The following ZNF200 variants were observed in gnomAD, a reference collection of about 807,000 sequenced individuals.
ZNF200 encodes zinc finger protein 200.
ZNF200 carries 35 observed loss-of-function variants against 33.6 expected under a neutral mutation model. The ratio of observed to expected loss-of-function variants is 1.04; its 90% CI spans 0.80 to 1.38. The LOEUF is 1.38. Ranked by LOEUF, ZNF200 falls within the 40% of genes most tolerant of loss-of-function variation. ZNF200 has a pLI of 0.00. For missense variants in ZNF200, 592 were observed against 470.6 expected (o/e 1.26, Z -2.39); for synonymous variants, 209 against 167.7 (o/e 1.25, Z -1.90).
intron 1 of ZNF200, chr16:3,234,644 C>G (rs1958752942): frequency 6.6e-6 from 1 of 152,288 alleles, no homozygotes; most frequent in African/African-American, 2.4e-5. Context: ...ACCCCTCGAA[C>G]CGAAGCTCCC....
At chr16:3,228,216 C>T (rs985635804) in intron 4 of ZNF200, among the ~76,000 whole-genome samples, 6 of 152,064 alleles carry the variant, frequency 3.9e-5, no homozygotes, top group Admixed American at 3.9e-4. Context: ...TATGTGAAAG[C>T]CAATGATTTC....
chr16:3,228,492 G>T (rs11860052), intron 4 of ZNF200, among the ~76,000 whole-genome samples: 6 of 151,408 alleles, frequency 4.0e-5, no homozygotes, highest in Admixed American at 3.9e-4. Flanking sequence ...TATTATTTCT[G>T]TTTTTTTAAT....
Position 3,224,255 on chromosome 16 carries a change from A to G in ZNF200, c.825T>C (p.Thr275=). The G allele has an allele frequency of 6.2e-7, 1 of 1,614,150 alleles. No individual in the cohort carries two copies. Among genetic ancestry groups the G allele is most frequent in the Non-Finnish European group, 8.5e-7 (1 of 1,180,024 alleles). ...GATTACAGTCATAGGGTTTTTCTCC[A>G]GTGTGGGTCCTCTGGTGGGAAATGA... ...SYLISHQRTH[T]GEKPYDCNHC... The change falls in exon 5 of 5, where the codon ACT becomes ACC. Residue 275 remains threonine (T), a synonymous_variant. Coordinates refer to ENST00000414144, the MANE Select transcript of ZNF200 (RefSeq NM_198088.3).
chr16:3,234,649 G>A (rs566859077), intron 1 of ZNF200: 1 of 152,388 alleles, frequency 6.6e-6, no homozygotes, highest in East Asian at 1.9e-4. Context: ...TCGAACCGAA[G>A]CTCCCTCCGG....
rs1958613327 is a variant in ZNF200, at chr16:3,230,717, C to T, written c.466+1704G>A. ...TAAATGTTACTGTTTCAATTATCAT[C>T]ACCTATAAATTGATGGCTCCCCAAT... On this transcript the variant is annotated intron_variant, in intron 4 of 4. Coordinates refer to ENST00000414144, the MANE Select transcript of ZNF200 (RefSeq NM_198088.3). Among the ~76,000 whole-genome samples the T allele has an allele frequency of 3.3e-5, 5 of 152,180 alleles. No homozygotes were observed. In the South Asian group the frequency reaches 1.0e-3, roughly 32 times the overall value.
chr16:3,224,798 T>C (rs1309927276), intron 4 of ZNF200, 185 bp from the exon 5 acceptor site: 2 of 660,788 alleles, frequency 3.0e-6, no homozygotes, highest in Non-Finnish European at 4.9e-6. Flanking sequence ...TCTTTCCATC[T>C]ACCACAATGC....
At chr16:3,227,042 G>A (rs957912000) in intron 4 of ZNF200, 1 of 152,240 alleles carries the variant, frequency 6.6e-6, no homozygotes, top group African/African-American at 2.4e-5. Flanking sequence ...CTGGGTTCAA[G>A]TGATTCTCCT....
intron 4 of ZNF200, chr16:3,225,998 G>A (rs1439750475): frequency 1.3e-5 from 2 of 149,052 alleles, no homozygotes; most frequent in African/African-American, 5.0e-5. Flanking sequence ...TTCCCAAAGT[G>A]CTGGGGATTA....
chr16:3,223,766 T>G lies in ZNF200; in HGVS notation c.*126A>C. 7.1e-7 allele frequency: 1 copy of G among 1,398,678 alleles called. No individual in the cohort carries two copies. Among genetic ancestry groups the G allele is most frequent in the Non-Finnish European group, 9.5e-7 (1 of 1,050,136 alleles). 86.6% of individuals were successfully genotyped at this position (1,398,678 alleles called of 1,614,324 possible). ...AGGTTTTAGCTAAGATGGGCATTTA[T>G]CCAATTTTGGCAATAATGAGATTTT... On this transcript the variant is annotated 3_prime_UTR_variant, in exon 5 of 5. Transcript: ENST00000414144.
chr16:3,232,372 C>T, intron 4 of ZNF200, 49 bp downstream of exon 4: 2 of 1,595,618 alleles, frequency 1.3e-6, no homozygotes, highest in Non-Finnish European at 1.7e-6. Flanking sequence ...GAAGGACATG[C>T]TTTTCCCAAA....
Position 3,224,198 on chromosome 16 carries a change from GTTTGT to G in ZNF200, c.877_881del (p.Thr293ProfsTer3). On this transcript the variant is annotated frameshift_variant, in exon 5 of 5. Coordinates refer to ENST00000414144, the MANE Select transcript of ZNF200 (RefSeq NM_198088.3). LOFTEE classifies it high-confidence loss of function. ...TATGAATTCGCTCATGTTTATTGAGGTTTGTTTTATGATTGAAGCTTTTCCCACAG... is the reference window on the plus strand; with the variant it reads ...TATGAATTCGCTCATGTTTATTGAGGTTTATGATTGAAGCTTTTCCCACAG... 6.2e-7 allele frequency: 1 copy of G among 1,614,202 alleles called. No individual in the cohort carries two copies.
intron 4 of ZNF200, chr16:3,225,259 A>G (rs1451401859): frequency 6.6e-6 from 1 of 152,240 alleles, no homozygotes; most frequent in Non-Finnish European, 1.5e-5. Context: ...CAGCCTGACC[A>G]TCGTGGAGAA....
chr16:3,228,459 T>G (rs1240161489), intron 4 of ZNF200, among the ~76,000 whole-genome samples: 1 of 150,688 alleles, frequency 6.6e-6, no homozygotes, highest in African/African-American at 2.4e-5. Flanking sequence ...CTCCTTTATA[T>G]ATAAGAAATA....
intron 4 of ZNF200, chr16:3,227,843 T>C (rs986561348): frequency 6.6e-6 from 1 of 152,228 alleles, no homozygotes; most frequent in Non-Finnish European, 1.5e-5. Context: ...AGTGTGAAAA[T>C]GGACGAATAC....
chr16:3,229,156 T>G (rs1958563864), intron 4 of ZNF200, among the ~76,000 whole-genome samples: 1 of 152,024 alleles, frequency 6.6e-6, no homozygotes, highest in Non-Finnish European at 1.5e-5. Flanking sequence ...TGCTACACCA[T>G]TTTATATAAT....
At chr16:3,229,888 C>G (rs1412531728) in intron 4 of ZNF200, among the ~76,000 whole-genome samples, 1 of 151,710 alleles carries the variant, frequency 6.6e-6, no homozygotes, top group East Asian at 1.9e-4. Flanking sequence ...AGGAAACTTC[C>G]AAATTCAAAC....
rs1391000217 is a variant in ZNF200 at position 3,224,044 on chromosome 16, G to C, written c.1036C>G (p.Pro346Ala). ...TGAAGCACAAACTCCTCATTCTTTGGGAAGGTTTTCCCACATTCTGGACAC... is the reference window on the plus strand; with the variant it reads ...TGAAGCACAAACTCCTCATTCTTTGCGAAGGTTTTCCCACATTCTGGACAC... ...FKCPECGKTF[P>A]KNEEFVLHLQ... Residue 346 changes from proline to alanine, a missense_variant, in exon 5 of 5, where the codon CCA becomes GCA. By Grantham distance (27) the Pro-to-Ala change is conservative. Coordinates refer to ENST00000414144, the MANE Select transcript of ZNF200 (RefSeq NM_198088.3). 2 of 1,613,930 alleles carry C rather than the reference G, an allele frequency of 1.2e-6. No homozygotes were observed. The highest frequency in any genetic ancestry group is 1.7e-6 in the Non-Finnish European group (2 of 1,180,032).
intron 2 of ZNF200, among the ~76,000 whole-genome samples, chr16:3,233,203 A>G (rs1378986192): frequency 6.6e-6 from 1 of 152,250 alleles, no homozygotes; most frequent in African/African-American, 2.4e-5. Flanking sequence ...AGATGCCCAG[A>G]AAAAGCACAA....
chr16:3,230,583 C>T (rs1036055094), intron 4 of ZNF200, among the ~76,000 whole-genome samples: 9 of 152,206 alleles, frequency 5.9e-5, no homozygotes, highest in Admixed American at 5.2e-4. Flanking sequence ...ACGTGGTTCA[C>T]TTGGCCAACA....
Sources: gnomAD v4.1 joint callset for allele counts (sites outside exome capture counted in the v4.1 genomes callset) on GRCh38, gnomAD v4.1.1 for gene constraint, MANE v1.5 for transcripts, NCBI Gene and HGNC (gene_info 2026-07-23, HGNC 2026-07-21) for gene names.